EDAR: variants seen among roughly 807,000 people sequenced by gnomAD.
The protein encoded by EDAR is tumor necrosis factor receptor superfamily member EDAR.
Under a neutral mutation model 51.3 loss-of-function variants are expected in EDAR, and 38 were observed. That is an observed-to-expected ratio of 0.74 (90% confidence interval 0.57 to 0.97). The LOEUF (loss-of-function observed/expected upper bound fraction) is 0.97. Ranked by LOEUF, EDAR falls within the 50% of genes least tolerant of loss-of-function variation. The probability of loss-of-function intolerance (pLI) is 0.00; values close to 1 mark genes in which losing one functional copy is unlikely to be tolerated. For missense variants in EDAR, 528 were observed against 595.0 expected (o/e 0.89, Z 1.17); for synonymous variants, 227 against 242.1 (o/e 0.94, Z 0.58).
chr2:108,967,424 G>A (rs1698166418), intron 1 of EDAR, among the ~76,000 whole-genome samples: 1 of 152,188 alleles, frequency 6.6e-6, no homozygotes, highest in Admixed American at 6.5e-5. Flanking sequence ...GCTAAGAGCA[G>A]GAGCAGAAGA....
intron 5 of EDAR, among the ~76,000 whole-genome samples, chr2:108,913,074 A>G (rs1270086649): frequency 2.0e-5 from 3 of 150,374 alleles, no homozygotes; most frequent in Non-Finnish European, 4.4e-5. Flanking sequence ...TCAGCCTCCC[A>G]AGTAACTGGG....
Position 108,972,050 on chromosome 2 carries a change from C to A in EDAR, c.-19+16910G>T, listed in dbSNP as rs374307452. 5.9e-5 allele frequency among the ~76,000 whole-genome samples: 9 copies of A among 152,292 alleles called. No individual in the cohort carries two copies. The South Asian group carries it at 1.7e-3, about 28-fold the overall frequency. On this transcript the variant is annotated intron_variant, in intron 1 of 11. Transcript: ENST00000258443. Reference sequence around the variant, plus strand: ...GTGGGTCCTCCAGCCTGGCCTGGCCCGCAGATGTTGCAGCCCAGCCGACTG... The same window carrying A: ...GTGGGTCCTCCAGCCTGGCCTGGCCAGCAGATGTTGCAGCCCAGCCGACTG...
At chr2:108,950,226 T>TTCCTCCCTCCC (rs530403159) in intron 1 of EDAR, among the ~76,000 whole-genome samples, 1 of 118,466 alleles carries the variant, frequency 8.4e-6, no homozygotes, top group South Asian at 3.3e-4. Flanking sequence ...CCTCCCTTCC[T>TTCCTCCCTCCC]TCCTCCCTCC....
At chr2:108,902,064 C>T (rs1486025409) in intron 11 of EDAR, among the ~76,000 whole-genome samples, 1 of 152,116 alleles carries the variant, frequency 6.6e-6, no homozygotes, top group Non-Finnish European at 1.5e-5. Flanking sequence ...ATGGTGAAAC[C>T]CCATATCTAC....
At chr2:108,951,379 A>C (rs1352194693) in intron 1 of EDAR, among the ~76,000 whole-genome samples, 3 of 152,214 alleles carry the variant, frequency 2.0e-5, no homozygotes. Flanking sequence ...GCTGGGCAGC[A>C]TTGTGTCCAA....
At chr2:108,904,748 A>G (rs1367399418) in intron 11 of EDAR, among the ~76,000 whole-genome samples, 1 of 151,970 alleles carries the variant, frequency 6.6e-6, no homozygotes, top group Non-Finnish European at 1.5e-5. Flanking sequence ...CTTTTATAAC[A>G]CTCTTGAAAT....
At chr2:108,979,727 C>T (rs1021795252) in intron 1 of EDAR, among the ~76,000 whole-genome samples, 6 of 152,140 alleles carry the variant, frequency 3.9e-5, no homozygotes, top group African/African-American at 1.4e-4. Context: ...CAGGTCCAGG[C>T]AGCAGTAGCC....
At chr2:108,967,878 C>G (rs1194174661) in intron 1 of EDAR, among the ~76,000 whole-genome samples, 1 of 152,094 alleles carries the variant, frequency 6.6e-6, no homozygotes, top group African/African-American at 2.4e-5. Flanking sequence ...TTCACAGAAA[C>G]AAAAGATGGA....
At chr2:108,937,488 T>TATGTGTATGTGTATGAATGTATGC (rs1553449762) in intron 1 of EDAR, among the ~76,000 whole-genome samples, 1 of 151,976 alleles carries the variant, frequency 6.6e-6, no homozygotes, top group East Asian at 1.9e-4. Context: ...TGCATAAGAG[T>TATGTGTATGTGTATGAATGTATGC]ATGTGTATGT....
intron 1 of EDAR, among the ~76,000 whole-genome samples, chr2:108,968,409 G>A (rs559602897): frequency 6.6e-6 from 1 of 152,090 alleles, no homozygotes; most frequent in Admixed American, 6.5e-5. Flanking sequence ...TTGAAGTTTT[G>A]CAAACCAGGG....
At chr2:108,976,468 G>C (rs995313505) in intron 1 of EDAR, among the ~76,000 whole-genome samples, 5 of 152,138 alleles carry the variant, frequency 3.3e-5, no homozygotes, top group Non-Finnish European at 7.4e-5. Context: ...TCCCCACTCT[G>C]AAGTGACTCC....
At chr2:108,977,656 C>T (rs1312514377) in intron 1 of EDAR, among the ~76,000 whole-genome samples, 8 of 152,070 alleles carry the variant, frequency 5.3e-5, no homozygotes, top group African/African-American at 1.2e-4. Flanking sequence ...CGTCCTCCCT[C>T]CTGGGACCCG....
At chr2:108,973,018 C>A (rs1698263415) in intron 1 of EDAR, among the ~76,000 whole-genome samples, 1 of 151,888 alleles carries the variant, frequency 6.6e-6, no homozygotes, top group East Asian at 1.9e-4. Flanking sequence ...TGGAGTTTCA[C>A]TCTTGTCATC....
intron 1 of EDAR, among the ~76,000 whole-genome samples, chr2:108,949,647 A>T (rs1049689370): frequency 4.6e-5 from 7 of 152,158 alleles, no homozygotes; most frequent in African/African-American, 1.7e-4. Flanking sequence ...TAATCATCTG[A>T]GGTTGGAGGA....
chr2:108,931,074 C>T, intron 1 of EDAR, 42 bp from the exon 2 acceptor site: 1 of 1,566,934 alleles, frequency 6.4e-7, no homozygotes. Flanking sequence ...GCGGTAGCAC[C>T]CCAGCCGGGG....
At chr2:108,969,542 T>C (rs571034810) in intron 1 of EDAR, among the ~76,000 whole-genome samples, 1 of 152,264 alleles carries the variant, frequency 6.6e-6, no homozygotes, top group Admixed American at 6.5e-5. Context: ...TTATATGCTA[T>C]TCAGGGAGGG....
chr2:108,960,685 CTA>C (rs1698021891), intron 1 of EDAR, among the ~76,000 whole-genome samples: 3 of 152,046 alleles, frequency 2.0e-5, no homozygotes, highest in Admixed American at 1.3e-4. Flanking sequence ...AAGAAGAAAA[CTA>C]AAAATCACTG....
At chr2:108,965,342 G>A (rs555207186) in intron 1 of EDAR, among the ~76,000 whole-genome samples, 9 of 152,136 alleles carry the variant, frequency 5.9e-5, no homozygotes, top group Admixed American at 1.3e-4. Flanking sequence ...TTAGCTGGGC[G>A]TGGTGGTGGG....
chr2:108,926,803 G>T (rs935711676), intron 4 of EDAR, among the ~76,000 whole-genome samples: 1 of 152,234 alleles, frequency 6.6e-6, no homozygotes, highest in Non-Finnish European at 1.5e-5. Context: ...GCCCAGGAGA[G>T]ACTGGGACAA....
Sources: allele counts gnomAD v4.1 joint callset (sites outside exome capture counted in the v4.1 genomes callset), GRCh38; gene constraint gnomAD v4.1.1; transcripts MANE v1.5; gene names NCBI Gene and HGNC (gene_info 2026-07-23, HGNC 2026-07-21).